Variants in C11orf65 observed in about 807,000 individuals in gnomAD.
The protein encoded by C11orf65 is chromosome 11 open reading frame 65, also known as protein MFI.
C11orf65 carries 38 observed loss-of-function variants against 35.3 expected under a neutral mutation model. The ratio of observed to expected loss-of-function variants is 1.08; its 90% CI spans 0.83 to 1.41. The LOEUF (loss-of-function observed/expected upper bound fraction) is 1.41, where lower values mean the gene tolerates loss of function less well. Ranked by LOEUF, C11orf65 falls within the 40% of genes most tolerant of loss-of-function variation. The probability of loss-of-function intolerance (pLI) is 0.00; values close to 1 mark genes in which losing one functional copy is unlikely to be tolerated. For missense variants in C11orf65, 370 were observed against 367.1 expected, an observed-to-expected ratio of 1.01 and a Z score of -0.06; for synonymous variants, 105 against 114.4, an observed-to-expected ratio of 0.92 and a Z score of 0.53.
chr11:108,379,427 G>A (rs1486803872), downstream of C11orf65, among the ~76,000 whole-genome samples: 1 of 144,888 alleles, frequency 6.9e-6, no homozygotes, highest in Non-Finnish European at 1.5e-5. Context: ...ATTGAACAAT[G>A]AGAACACATG....
intron 3 of C11orf65, among the ~76,000 whole-genome samples, chr11:108,409,205 T>C (rs2092612303): frequency 6.6e-6 from 1 of 152,176 alleles, no homozygotes; most frequent in Non-Finnish European, 1.5e-5. Flanking sequence ...CTATCTAACA[T>C]TCCATCATAT....
intron 7 of C11orf65, among the ~76,000 whole-genome samples, chr11:108,389,007 A>G (rs1270333785): frequency 6.6e-6 from 1 of 152,278 alleles, no homozygotes; most frequent in Non-Finnish European, 1.5e-5. Context: ...TCGGTCTGTC[A>G]TAACGGACTA....
At chr11:108,436,259 C>T (rs900265893) in intron 2 of C11orf65, among the ~76,000 whole-genome samples, 1 of 152,120 alleles carries the variant, frequency 6.6e-6, no homozygotes, top group Non-Finnish European at 1.5e-5. Context: ...CCCAGTGAAG[C>T]CCATTTCAGA....
downstream of C11orf65, chr11:108,329,245 A>C: frequency 1.2e-6 from 2 of 1,606,156 alleles, no homozygotes; most frequent in South Asian, 2.2e-5. Context: ...ACAGGTAACT[A>C]GGTTTCTACA....
chr11:108,316,626 T>C (rs574694931), intron 6 of C11orf65, among the ~76,000 whole-genome samples: 280 of 152,086 alleles, frequency 1.8e-3, no homozygotes, highest in Non-Finnish European at 2.9e-3. Flanking sequence ...AAAAATGTTT[T>C]TGGCCAGGCG....
At chr11:108,452,904 A>G (rs1367434521) in intron 2 of C11orf65, among the ~76,000 whole-genome samples, 1 of 151,502 alleles carries the variant, frequency 6.6e-6, no homozygotes, top group Middle Eastern at 3.2e-3. Flanking sequence ...ACAAGGACAG[A>G]AAACCAAACA....
At chr11:108,397,017 A>T (rs1174040916) in intron 6 of C11orf65, among the ~76,000 whole-genome samples, 1 of 152,000 alleles carries the variant, frequency 6.6e-6, no homozygotes, top group East Asian at 1.9e-4. Context: ...CAAACTAATG[A>T]TCTTTTAAAA....
At chr11:108,370,849 A>AGT (rs2091552154) in intron 2 of C11orf65, among the ~76,000 whole-genome samples, 1 of 152,086 alleles carries the variant, frequency 6.6e-6, no homozygotes, top group Admixed American at 6.5e-5. Flanking sequence ...CATTTTATCT[A>AGT]TTGCTTTATT....
chr11:108,468,133 A>C (rs1412066843), upstream of C11orf65, among the ~76,000 whole-genome samples: 1 of 152,126 alleles, frequency 6.6e-6, no homozygotes, highest in Non-Finnish European at 1.5e-5. Flanking sequence ...GGCGTGAACC[A>C]CCGCGCCCGG....
At chr11:108,312,633 A>G in intron 6 of C11orf65, 2 of 660,234 alleles carry the variant, frequency 3.0e-6, no homozygotes, top group South Asian at 3.7e-5. Flanking sequence ...TATATATAAA[A>G]TTATGGTCTG....
At chr11:108,359,546 G>T (rs1473454581) in intron 2 of C11orf65, among the ~76,000 whole-genome samples, 3 of 152,030 alleles carry the variant, frequency 2.0e-5, no homozygotes, top group Non-Finnish European at 4.4e-5. Context: ...ATAGTTGGAA[G>T]TAAAGCTCTC....
chr11:108,338,163 A>G (rs919924483), intron 2 of C11orf65, among the ~76,000 whole-genome samples: 4 of 152,230 alleles, frequency 2.6e-5, no homozygotes, highest in African/African-American at 9.6e-5. Context: ...AGCCTGGCCA[A>G]CATGGCCAAA....
downstream of C11orf65, chr11:108,331,230 C>T (rs995478425): frequency 7.2e-6 from 9 of 1,255,610 alleles, no homozygotes; most frequent in Non-Finnish European, 9.0e-6. Context: ...AATTTAGGAC[C>T]AAATATTTTG....
intron 3 of C11orf65, among the ~76,000 whole-genome samples, chr11:108,410,729 GAC>G (rs2092639842): frequency 8.0e-6 from 1 of 125,314 alleles, no homozygotes; most frequent in South Asian, 2.5e-4. Context: ...TTTTTTTTGA[GAC>G]AGAGTCTTGC....
intron 7 of C11orf65, among the ~76,000 whole-genome samples, chr11:108,392,573 T>G (rs1357538442): frequency 6.6e-6 from 1 of 152,186 alleles, no homozygotes; most frequent in African/African-American, 2.4e-5. Context: ...TTTAACCACT[T>G]GAGGAACTGC....
At chr11:108,415,301 A>C (rs983900502) in intron 3 of C11orf65, among the ~76,000 whole-genome samples, 1 of 152,202 alleles carries the variant, frequency 6.6e-6, no homozygotes, top group African/African-American at 2.4e-5. Context: ...CTGCTTTATT[A>C]TATACCAGCA....
chr11:108,450,445 T>C (rs1274602735), intron 2 of C11orf65, among the ~76,000 whole-genome samples: 1 of 151,452 alleles, frequency 6.6e-6, no homozygotes, highest in Non-Finnish European at 1.5e-5. Context: ...TATGCAGCCA[T>C]AAAAAATGAT....
rs115248390 is a variant in C11orf65, at chr11:108,382,755, T to C, written c.*266A>G. The C allele has an allele frequency of 3.0e-3, 2,912 of 982,938 alleles. 70 individuals carry two copies. In the African/African-American group the frequency reaches 0.046, roughly 16 times the overall value. The allele number at this position is 982,938 out of a possible 1,614,324, so 60.9% of individuals were successfully genotyped here. On this transcript the variant is annotated 3_prime_UTR_variant, in exon 9 of 9. Transcript: ENST00000393084. ...TGCAAAATAATCAGTCTGAAGCTTC[T>C]TGCACCTAAATGTAGTCTCTTTACT...
At chr11:108,366,403 T>A (rs1327530332) in intron 2 of C11orf65, 1 of 218,424 alleles carries the variant, frequency 4.6e-6, no homozygotes, top group African/African-American at 2.2e-5. Flanking sequence ...AATGTTTTTT[T>A]AATGTTTTTT....
Sources: allele counts gnomAD v4.1 joint callset (sites outside exome capture counted in the v4.1 genomes callset), GRCh38; gene constraint gnomAD v4.1.1; transcripts MANE v1.5; gene names NCBI Gene and HGNC (gene_info 2026-07-23, HGNC 2026-07-21).